CSGALNACT1: variants seen among roughly 807,000 people sequenced by gnomAD.
CSGALNACT1 encodes the protein beta4GalNAcT-1.
A neutral mutation model predicts 51.0 loss-of-function variants in CSGALNACT1; 52 were observed. The ratio of observed to expected loss-of-function variants is 1.02; its 90% CI spans 0.82 to 1.29. The LOEUF is 1.29. Ranked by LOEUF, CSGALNACT1 falls within the 50% of genes most tolerant of loss-of-function variation. The probability of loss-of-function intolerance (pLI) is 0.00; values close to 1 mark genes in which losing one functional copy is unlikely to be tolerated. For missense variants in CSGALNACT1, 935 were observed against 679.2 expected, an observed-to-expected ratio of 1.38 and a Z score of -4.19; for synonymous variants, 341 against 254.4, an observed-to-expected ratio of 1.34 and a Z score of -3.24.
intron 5 of CSGALNACT1, among the ~76,000 whole-genome samples, chr8:19,448,686 A>C (rs1392867789): frequency 3.9e-5 from 6 of 152,206 alleles, no homozygotes; most frequent in African/African-American, 1.4e-4. Context: ...GAACAAGGGC[A>C]GAGGCAGGGC....
chr8:19,644,901 T>C (rs896345130), intron 1 of CSGALNACT1, among the ~76,000 whole-genome samples: 3 of 152,088 alleles, frequency 2.0e-5, no homozygotes, highest in African/African-American at 7.2e-5. Flanking sequence ...TCCATAAAAG[T>C]CTTATCCCAA....
intron 1 of CSGALNACT1, among the ~76,000 whole-genome samples, chr8:19,623,348 A>C (rs940794705): frequency 5.3e-5 from 8 of 152,228 alleles, no homozygotes; most frequent in South Asian, 2.1e-4. Flanking sequence ...TTCACAGAGG[A>C]AACAGGAAAA....
At chr8:19,579,350 A>T (rs2154119840) in intron 3 of CSGALNACT1, among the ~76,000 whole-genome samples, 1 of 152,334 alleles carries the variant, frequency 6.6e-6, no homozygotes, top group South Asian at 2.1e-4. Flanking sequence ...CAGGGTCTGC[A>T]GCACATGTGC....
chr8:19,551,802 G>T (rs1159444616), intron 3 of CSGALNACT1, among the ~76,000 whole-genome samples: 1 of 152,006 alleles, frequency 6.6e-6, no homozygotes, highest in African/African-American at 2.4e-5. Flanking sequence ...CATTTTCTTT[G>T]TCCCTAGGAA....
intron 4 of CSGALNACT1, among the ~76,000 whole-genome samples, chr8:19,468,024 CTG>C (rs1292424607): frequency 2.0e-5 from 3 of 152,272 alleles, no homozygotes; most frequent in Middle Eastern, 3.4e-3. Context: ...GATAAAATCA[CTG>C]TGCTTTCAGG....
intron 4 of CSGALNACT1, among the ~76,000 whole-genome samples, chr8:19,480,903 A>T (rs2071193179): frequency 6.6e-6 from 1 of 152,082 alleles, no homozygotes; most frequent in South Asian, 2.1e-4. Flanking sequence ...CGGCATCAAC[A>T]CCAGGCAATA....
At chr8:19,537,001 C>T (rs1028011224) in intron 3 of CSGALNACT1, among the ~76,000 whole-genome samples, 1 of 152,060 alleles carries the variant, frequency 6.6e-6, no homozygotes. Flanking sequence ...CCCCTCCAAC[C>T]GACAAACTGA....
At chr8:19,589,017 T>C (rs1025659540) in intron 3 of CSGALNACT1, among the ~76,000 whole-genome samples, 1 of 152,202 alleles carries the variant, frequency 6.6e-6, no homozygotes, top group Non-Finnish European at 1.5e-5. Context: ...ACATCCTTTA[T>C]GTCACAGGAC....
At chr8:19,653,793 G>C (rs2058033356) in intron 1 of CSGALNACT1, among the ~76,000 whole-genome samples, 1 of 107,380 alleles carries the variant, frequency 9.3e-6, no homozygotes, top group Non-Finnish European at 2.2e-5. Context: ...ATGATACCTT[G>C]TCTTAAAAAA....
chr8:19,491,356 G>T (rs2074320532), intron 4 of CSGALNACT1, among the ~76,000 whole-genome samples: 1 of 151,990 alleles, frequency 6.6e-6, no homozygotes, highest in Non-Finnish European at 1.5e-5. Flanking sequence ...AATATTCATG[G>T]ACATTTCTGA....
chr8:19,462,501 T>G (rs1440844099), intron 4 of CSGALNACT1, among the ~76,000 whole-genome samples: 1 of 152,166 alleles, frequency 6.6e-6, no homozygotes, highest in East Asian at 1.9e-4. Flanking sequence ...GAGAATGCAG[T>G]AAATCTTATT....
At chr8:19,630,579 A>T (rs567666231) in intron 1 of CSGALNACT1, among the ~76,000 whole-genome samples, 1 of 152,334 alleles carries the variant, frequency 6.6e-6, no homozygotes, top group South Asian at 2.1e-4. Flanking sequence ...CCACCATTAC[A>T]GTATCAGGCA....
At chr8:19,499,160 C>T (rs893692453) in intron 4 of CSGALNACT1, among the ~76,000 whole-genome samples, 13 of 152,110 alleles carry the variant, frequency 8.5e-5, no homozygotes, top group Non-Finnish European at 1.9e-4. Context: ...AATTAAAAAT[C>T]CCCAAATCCT....
At position 19,467,858 on chromosome 8, in the gene CSGALNACT1, C is replaced by T. The variant is rs1017034471; in HGVS notation, c.635-9216G>A. Among the ~76,000 whole-genome samples, 5 of 152,248 alleles carry T rather than the reference C, an allele frequency of 3.3e-5. No homozygotes were observed. In the East Asian group the frequency reaches 5.8e-4, roughly 18 times the overall value. On this transcript the variant is annotated intron_variant, in intron 4 of 9. Transcript: ENST00000454498. ...AAAATTAGCCAGGCATGGTTGTATG[C>T]CCCTGTAGTCCCAGATAGTCAGGAG... is the stretch of plus-strand genomic sequence containing the variant.
chr8:19,655,549 C>CACACATATATATGT (rs149931190), intron 1 of CSGALNACT1, among the ~76,000 whole-genome samples: 1 of 30,402 alleles, frequency 3.3e-5, no homozygotes, highest in Non-Finnish European at 6.8e-5. Context: ...CATCTATATG[C>CACACATATATATGT]ACATATATAT....
chr8:19,669,675 A>C (rs914337931), intron 1 of CSGALNACT1, among the ~76,000 whole-genome samples: 8 of 152,144 alleles, frequency 5.3e-5, no homozygotes, highest in African/African-American at 1.9e-4. Context: ...GGGTTTCACC[A>C]CATTGGCCAG....
chr8:19,540,957 C>T (rs986873685), intron 3 of CSGALNACT1, among the ~76,000 whole-genome samples: 1 of 152,188 alleles, frequency 6.6e-6, no homozygotes, highest in Admixed American at 6.5e-5. Context: ...ACTCTCCAAG[C>T]CCCTACCCTG....
At chr8:19,506,036 T>C (rs555640787) in exon 4 of CSGALNACT1, 1 of 710,564 alleles carries the variant, frequency 1.4e-6, no homozygotes, top group Non-Finnish European at 2.5e-6. Context: ...AGGATGATCT[T>C]GCAGGCAGAA....
In CSGALNACT1 at chr8:19,487,296, C is replaced by A. The variant is rs763257641; in HGVS notation, c.634+17905G>T. ...ACACCCAAATGAGAACATTTCACCT[C>A]CCAACAGCAGCGATGGTGTCTGGAA... On this transcript the variant is annotated intron_variant, in intron 4 of 9. Transcript: ENST00000454498. Among the ~76,000 whole-genome samples, 9 of 152,296 alleles carry A rather than the reference C, an allele frequency of 5.9e-5. No homozygotes were observed. In the Middle Eastern group the frequency reaches 0.01, roughly 173 times the overall value.
Sources: allele counts gnomAD v4.1 joint callset (sites outside exome capture counted in the v4.1 genomes callset), GRCh38; gene constraint gnomAD v4.1.1; transcripts MANE v1.5; gene names NCBI Gene and HGNC (gene_info 2026-07-23, HGNC 2026-07-21).